The following EXT1 variants were observed in gnomAD, a reference collection of about 807,000 sequenced individuals.
EXT1 encodes the protein exostosin-1.
EXT1 carries 20 observed loss-of-function variants against 82.5 expected under a neutral mutation model. That is an observed-to-expected ratio of 0.24 (90% CI 0.17 to 0.35). The LOEUF is 0.35. Ranked by LOEUF, EXT1 falls within the 10% of genes least tolerant of loss-of-function variation. The pLI, the probability that EXT1 is intolerant of heterozygous loss-of-function variation, is 1.00. For synonymous variants in EXT1, 348 were observed against 350.8 expected, an observed-to-expected ratio of 0.99 and a Z score of 0.09; for missense variants, 757 against 936.5, an observed-to-expected ratio of 0.81 and a Z score of 2.50.
chr8:118,028,953 A>G (rs1816251388), intron 1 of EXT1, among the ~76,000 whole-genome samples: 1 of 152,208 alleles, frequency 6.6e-6, no homozygotes, highest in Non-Finnish European at 1.5e-5. Context: ...TTAGCCATAA[A>G]GCAATGAATA....
At chr8:118,017,384 A>G (rs1461412889) in intron 1 of EXT1, among the ~76,000 whole-genome samples, 1 of 152,124 alleles carries the variant, frequency 6.6e-6, no homozygotes, top group Non-Finnish European at 1.5e-5. Context: ...GAAACAAAAG[A>G]GTTATTTGAC....
rs574809512 is a variant in EXT1, at chr8:117,960,993, C to T, written c.963-123792G>A. 3.3e-5 allele frequency among the ~76,000 whole-genome samples: 5 copies of T among 152,282 alleles called. No homozygotes were observed. In the East Asian group the frequency reaches 5.8e-4, roughly 18 times the overall value. On this transcript the variant is annotated intron_variant, in intron 1 of 10. Coordinates refer to ENST00000378204, the MANE Select transcript of EXT1 (RefSeq NM_000127.3). ...AAGAAGAACAAGGTGCAATACTCTG[C>T]GCAAGAGTCATAAACTCTTTTGTGG... is the stretch of plus-strand genomic sequence containing the variant.
intron 1 of EXT1, among the ~76,000 whole-genome samples, chr8:118,016,255 T>C (rs1330556409): frequency 1.3e-5 from 2 of 152,144 alleles, no homozygotes; most frequent in Non-Finnish European, 2.9e-5. Flanking sequence ...TAGCCAGGCA[T>C]GGTGGTGCAC....
chr8:117,875,644 T>G (rs1400775023), intron 1 of EXT1, among the ~76,000 whole-genome samples: 2 of 152,140 alleles, frequency 1.3e-5, no homozygotes, highest in African/African-American at 4.8e-5. Context: ...TTTTTATTTG[T>G]TAGATTTCCA....
chr8:118,065,035 T>A (rs574653450), intron 1 of EXT1, among the ~76,000 whole-genome samples: 1 of 152,082 alleles, frequency 6.6e-6, no homozygotes, highest in Non-Finnish European at 1.5e-5. Context: ...GTATTTTTAG[T>A]AGAGATGGGG....
chr8:118,068,199 CTCCGAAGT>C (rs1292646420), intron 1 of EXT1, among the ~76,000 whole-genome samples: 1 of 152,244 alleles, frequency 6.6e-6, no homozygotes, highest in Admixed American at 6.5e-5. Flanking sequence ...GTCTGGCAAA[CTCCGAAGT>C]TCAAGTTCTT....
chr8:117,903,212 T>C (rs1813482235), intron 1 of EXT1, among the ~76,000 whole-genome samples: 1 of 152,172 alleles, frequency 6.6e-6, no homozygotes. Context: ...TATTTGAAGG[T>C]TCAAACTAAG....
At chr8:117,927,198 C>T (rs1813968734) in intron 1 of EXT1, among the ~76,000 whole-genome samples, 1 of 152,114 alleles carries the variant, frequency 6.6e-6, no homozygotes, top group Non-Finnish European at 1.5e-5. Flanking sequence ...TATCATCTTT[C>T]ATGAAGTGCC....
At chr8:118,089,491 G>C (rs1205803324) in intron 1 of EXT1, among the ~76,000 whole-genome samples, 1 of 152,120 alleles carries the variant, frequency 6.6e-6, no homozygotes, top group African/African-American at 2.4e-5. Context: ...CCATGATCCT[G>C]TTTTCAAGAA....
chr8:117,804,785 C>A lies in EXT1; in HGVS notation c.1992G>T (p.Val664=). ...TCACTTTGATTGGAGGCAATTTTGT[C>A]ACAGCAGACACCAGGAAGTTCATGA... The part of the protein sequence containing the change: ...DILMNFLVSA[V]TKLPPIKVTQ... Residue 664 remains valine, a synonymous_variant, in exon 10 of 11, where the codon GTG becomes GTT. Coordinates refer to ENST00000378204, the MANE Select transcript of EXT1 (RefSeq NM_000127.3). 6.2e-7 allele frequency: 1 copy of A among 1,614,142 alleles called. No individual in the cohort carries two copies. Among genetic ancestry groups the A allele is most frequent in the South Asian group, 1.1e-5 (1 of 91,082 alleles).
chr8:117,807,096 C>A, intron 9 of EXT1, 121 bp downstream of exon 9: 1 of 1,200,012 alleles, frequency 8.3e-7, no homozygotes, highest in Admixed American at 1.7e-5. Context: ...AAAACTTAAG[C>A]GGGGATACAG....
intron 1 of EXT1, among the ~76,000 whole-genome samples, chr8:117,846,493 C>T (rs1302799498): frequency 6.6e-6 from 1 of 152,116 alleles, no homozygotes; most frequent in Non-Finnish European, 1.5e-5. Flanking sequence ...CCTAAATTCT[C>T]TGGTTCAAAA....
At chr8:117,998,859 A>G (rs1020097603) in intron 1 of EXT1, among the ~76,000 whole-genome samples, 2 of 152,098 alleles carry the variant, frequency 1.3e-5, no homozygotes, top group African/African-American at 4.8e-5. Flanking sequence ...CAGCTCAATT[A>G]CTCCCTAACT....
At chr8:117,974,317 G>A (rs901329500) in intron 1 of EXT1, among the ~76,000 whole-genome samples, 1 of 152,140 alleles carries the variant, frequency 6.6e-6, no homozygotes, top group Admixed American at 6.5e-5. Context: ...GCTGTCCCAG[G>A]TTTCCCGACT....
chr8:118,029,246 T>C (rs1401606377), intron 1 of EXT1, among the ~76,000 whole-genome samples: 1 of 152,012 alleles, frequency 6.6e-6, no homozygotes, highest in East Asian at 1.9e-4. Context: ...ATGTGCAACA[T>C]AGTAAGACCC....
chr8:117,957,882 T>A (rs564946481), intron 1 of EXT1, among the ~76,000 whole-genome samples: 1 of 152,224 alleles, frequency 6.6e-6, no homozygotes, highest in African/African-American at 2.4e-5. Flanking sequence ...TACTTAACTA[T>A]GTTTCAGTTG....
At chr8:117,858,654 G>GT (rs1330457874) in intron 1 of EXT1, among the ~76,000 whole-genome samples, 1 of 150,066 alleles carries the variant, frequency 6.7e-6, no homozygotes, top group East Asian at 2.0e-4. Context: ...CTCCAGCCTG[G>GT]GTGACAGGGC....
At position 118,040,600 on chromosome 8, in the gene EXT1, T is replaced by C. The variant is rs376293300; in HGVS notation, c.962+69485A>G. 6.6e-5 allele frequency among the ~76,000 whole-genome samples: 10 copies of C among 152,334 alleles called. No individual in the cohort carries two copies. The South Asian group carries it at 1.0e-3, about 16-fold the overall frequency. ...CTTCTAGATCCAAAGACCACTGATATGTCTGTGGGACACCATCCAAAGGTC... is the reference window on the plus strand; with the variant it reads ...CTTCTAGATCCAAAGACCACTGATACGTCTGTGGGACACCATCCAAAGGTC... On this transcript the variant is annotated intron_variant, in intron 1 of 10. Coordinates refer to ENST00000378204, the MANE Select transcript of EXT1 (RefSeq NM_000127.3).
intron 1 of EXT1, among the ~76,000 whole-genome samples, chr8:118,085,469 G>T (rs1817399659): frequency 6.8e-6 from 1 of 147,804 alleles, no homozygotes. Context: ...TTGTTATTGG[G>T]GCTGTTTTTG....
Sources: gnomAD v4.1 joint callset for allele counts (sites outside exome capture counted in the v4.1 genomes callset) on GRCh38, gnomAD v4.1.1 for gene constraint, MANE v1.5 for transcripts, NCBI Gene and HGNC (gene_info 2026-07-23, HGNC 2026-07-21) for gene names.